Variants in GRIK4 observed in about 807,000 individuals in gnomAD.
The protein encoded by GRIK4 is glutamate ionotropic receptor kainate type subunit 4, also known as glutamate receptor ionotropic, kainate 4.
Under a neutral mutation model 104.9 loss-of-function variants are expected in GRIK4, and 40 were observed. The ratio of observed to expected loss-of-function variants is 0.38; its 90% CI spans 0.30 to 0.50. GRIK4 has a LOEUF of 0.50. GRIK4 is among the 20% of genes least tolerant of loss of function. GRIK4 has a pLI of 0.93. For missense variants in GRIK4, 1,047 were observed against 1,308.1 expected, an observed-to-expected ratio of 0.80 and a Z score of 3.08; for synonymous variants, 485 against 524.9, an observed-to-expected ratio of 0.92 and a Z score of 1.04.
chr11:120,688,523 G>A (rs1950308372), intron 3 of GRIK4, among the ~76,000 whole-genome samples: 1 of 152,170 alleles, frequency 6.6e-6, no homozygotes, highest in African/African-American at 2.4e-5. Context: ...CAGGAAGAAG[G>A]CATTCACTGG....
intron 3 of GRIK4, among the ~76,000 whole-genome samples, chr11:120,802,074 T>C (rs1361079801): frequency 6.6e-6 from 1 of 152,228 alleles, no homozygotes; most frequent in Admixed American, 6.5e-5. Context: ...ATTATCTTAG[T>C]GAATCCTCAC....
chr11:120,877,935 C>T (rs1644080401), intron 11 of GRIK4, among the ~76,000 whole-genome samples: 1 of 152,182 alleles, frequency 6.6e-6, no homozygotes, highest in African/African-American at 2.4e-5. Flanking sequence ...TGGCTGGTAG[C>T]CCTGATCCCA....
chr11:120,784,008 G>A (rs1235787147), intron 3 of GRIK4, among the ~76,000 whole-genome samples: 1 of 152,230 alleles, frequency 6.6e-6, no homozygotes, highest in South Asian at 2.1e-4. Flanking sequence ...CAGGGAGCGA[G>A]GCAGGGTTCA....
At chr11:120,783,401 C>G (rs1822626694) in intron 3 of GRIK4, among the ~76,000 whole-genome samples, 1 of 152,150 alleles carries the variant, frequency 6.6e-6, no homozygotes, top group Non-Finnish European at 1.5e-5. Context: ...TCCTCCTCTT[C>G]TCTCCTGCCT....
chr11:120,889,739 T>C (rs1355386342), intron 11 of GRIK4, among the ~76,000 whole-genome samples: 1 of 151,808 alleles, frequency 6.6e-6, no homozygotes, highest in Non-Finnish European at 1.5e-5. Context: ...GGAGTAGTTA[T>C]GATTACAGGC....
intron 1 of GRIK4, among the ~76,000 whole-genome samples, chr11:120,606,937 C>T (rs1014640932): frequency 3.9e-5 from 6 of 152,036 alleles, no homozygotes; most frequent in East Asian, 1.9e-4. Flanking sequence ...TGGAGGGTTC[C>T]GGAGGGGCCT....
At chr11:120,725,764 G>A (rs1280235218) in intron 3 of GRIK4, among the ~76,000 whole-genome samples, 1 of 152,042 alleles carries the variant, frequency 6.6e-6, no homozygotes, top group Admixed American at 6.6e-5. Context: ...AAAATCTATG[G>A]AACTATTGGG....
rs137989709 is a variant in GRIK4, at chr11:120,905,488, G to C, written c.1471G>C (p.Ala491Pro). Residue 491 changes from alanine to proline, a missense_variant, in exon 13 of 21, where the codon GCT becomes CCT. Physicochemically the swap from Ala to Pro is conservative, Grantham distance 27. This residue lies in a region of GRIK4 where 440 missense variants were observed against 652.3 expected (regional missense o/e 0.67). Coordinates refer to ENST00000527524, the MANE Select transcript of GRIK4 (RefSeq NM_014619.5). This position sits in a 1 kb window ranked among gnomAD's most constrained non-coding sequence, Gnocchi z 5.1. ...GACGGGAATGGTCGGGGAGCTGATCGCTAGGGTAAGGAGAGGACAAGTGAT... is the reference window on the plus strand; with the variant it reads ...GACGGGAATGGTCGGGGAGCTGATCCCTAGGGTAAGGAGAGGACAAGTGAT... ...TWTGMVGELI[A>P]RKADLAVAGL... 9 of 1,544,224 alleles carry C rather than the reference G, an allele frequency of 5.8e-6. No individual in the cohort carries two copies. The highest frequency in any genetic ancestry group is 7.9e-6 in the Non-Finnish European group (9 of 1,135,142).
intron 1 of GRIK4, among the ~76,000 whole-genome samples, chr11:120,569,137 T>C (rs1490595473): frequency 6.6e-6 from 1 of 152,188 alleles, no homozygotes; most frequent in African/African-American, 2.4e-5. Context: ...CCAAGGTCTA[T>C]GCCCGGGGCA....
intron 3 of GRIK4, among the ~76,000 whole-genome samples, chr11:120,668,188 T>A (rs1261215593): frequency 6.7e-6 from 1 of 149,510 alleles, no homozygotes; most frequent in Non-Finnish European, 1.5e-5. Context: ...GATAGAGAGG[T>A]AGGTAGGTAG....
chr11:120,752,757 C>T (rs1390625966), intron 3 of GRIK4, among the ~76,000 whole-genome samples: 3 of 152,244 alleles, frequency 2.0e-5, no homozygotes, highest in Non-Finnish European at 4.4e-5. Flanking sequence ...CTACACTGGC[C>T]TTGCTCCTCT....
chr11:120,708,930 G>C (rs1950676540), intron 3 of GRIK4, among the ~76,000 whole-genome samples: 1 of 152,146 alleles, frequency 6.6e-6, no homozygotes, highest in African/African-American at 2.4e-5. Context: ...CGATGGGCCA[G>C]AGCATAAGCA....
chr11:120,786,904 C>T (rs1369961897), intron 3 of GRIK4, among the ~76,000 whole-genome samples: 1 of 152,180 alleles, frequency 6.6e-6, no homozygotes, highest in Non-Finnish European at 1.5e-5. Flanking sequence ...GCCCCTGGAA[C>T]GTGGCTCATC....
At chr11:120,976,615 A>T (rs1944565070) in intron 19 of GRIK4, among the ~76,000 whole-genome samples, 1 of 152,208 alleles carries the variant, frequency 6.6e-6, no homozygotes, top group South Asian at 2.1e-4. Context: ...AATGCTCTTG[A>T]TGAGCCAGTG....
intron 3 of GRIK4, among the ~76,000 whole-genome samples, chr11:120,780,989 G>C (rs1036788979): frequency 1.3e-5 from 2 of 152,126 alleles, no homozygotes; most frequent in African/African-American, 4.8e-5. Context: ...TGATCTGCCT[G>C]CCTCGGCCTC....
chr11:120,905,823 C>T lies in GRIK4; in HGVS notation c.1476+330C>T, dbSNP rs1942856905. On this transcript the variant is annotated intron_variant, in intron 13 of 20. Coordinates refer to ENST00000527524, the MANE Select transcript of GRIK4 (RefSeq NM_014619.5). The surrounding 1 kb of genome is among the most constrained non-coding windows in gnomAD (Gnocchi z 5.1). Reference sequence around the variant, plus strand: ...TTCTGATTATTTTGTGGCTCATTAGCACTCCCTAGCAGAGCTTGAACAGGT... The same window carrying T: ...TTCTGATTATTTTGTGGCTCATTAGTACTCCCTAGCAGAGCTTGAACAGGT... 6.6e-6 allele frequency among the ~76,000 whole-genome samples: 1 copy of T among 152,110 alleles called. No homozygotes were observed. The highest frequency in any genetic ancestry group is 1.5e-5 in the Non-Finnish European group (1 of 68,002).
chr11:120,710,016 G>A (rs1205544940), intron 3 of GRIK4, among the ~76,000 whole-genome samples: 2 of 152,176 alleles, frequency 1.3e-5, no homozygotes, highest in Admixed American at 1.3e-4. Context: ...AAAGCATCGT[G>A]ATTCATAACC....
At chr11:120,936,840 C>G (rs60569319) in intron 13 of GRIK4, among the ~76,000 whole-genome samples, 240 of 152,082 alleles carry the variant, frequency 1.6e-3, no homozygotes, top group African/African-American at 5.2e-3. Flanking sequence ...ATGCCCACCC[C>G]TCCCTGGCCT....
At chr11:120,605,330 A>G (rs1017250541) in intron 1 of GRIK4, among the ~76,000 whole-genome samples, 1 of 152,216 alleles carries the variant, frequency 6.6e-6, no homozygotes, top group Non-Finnish European at 1.5e-5. Flanking sequence ...TGCCCTTACA[A>G]CAGTAGGTGG....
Sources: gnomAD v4.1 joint callset for allele counts (sites outside exome capture counted in the v4.1 genomes callset) on GRCh38, gnomAD v4.1.1 for gene constraint, gnomAD v4.1.1 regional missense constraint, Gnocchi (gnomAD v3.1) non-coding constraint, MANE v1.5 for transcripts, NCBI Gene and HGNC (gene_info 2026-07-23, HGNC 2026-07-21) for gene names.